Variants in JAKMIP2 observed in about 807,000 individuals in gnomAD.
JAKMIP2 encodes the protein janus kinase and microtubule-interacting protein 2.
Under a neutral mutation model 115.0 loss-of-function variants are expected in JAKMIP2, and 25 were observed. The ratio of observed to expected loss-of-function variants is 0.22; its 90% CI spans 0.16 to 0.30. JAKMIP2 has a LOEUF of 0.30. JAKMIP2 is among the 10% of genes least tolerant of loss of function. The pLI is 1.00. For missense variants in JAKMIP2, 642 were observed against 957.6 expected (o/e 0.67, Z 4.35); for synonymous variants, 334 against 343.6 (o/e 0.97, Z 0.31).
rs377263792 is a variant in JAKMIP2, at chr5:147,615,021, G to A, written c.2347-2650C>T. Among the ~76,000 whole-genome samples, 45 of 152,258 alleles carry A rather than the reference G, an allele frequency of 3.0e-4. No individual in the cohort carries two copies. In the East Asian group the frequency reaches 4.6e-3, roughly 16 times the overall value. ...CCAAACTCACATACACATTGTATACGTTTCTGCATAGCACTTATTGCCACT... is the reference window on the plus strand; with the variant it reads ...CCAAACTCACATACACATTGTATACATTTCTGCATAGCACTTATTGCCACT... On this transcript the variant is annotated intron_variant, in intron 19 of 21. Coordinates refer to ENST00000616793, the MANE Select transcript of JAKMIP2 (RefSeq NM_001270941.2).
At chr5:147,675,285 A>G (rs904698783) in intron 1 of JAKMIP2, among the ~76,000 whole-genome samples, 2 of 152,194 alleles carry the variant, frequency 1.3e-5, no homozygotes, top group Admixed American at 6.5e-5. Context: ...AGAAAAAAGC[A>G]TCACAGGAAG....
At chr5:147,618,721 G>C (rs1277554503) in intron 18 of JAKMIP2, among the ~76,000 whole-genome samples, 1 of 152,138 alleles carries the variant, frequency 6.6e-6, no homozygotes, top group Non-Finnish European at 1.5e-5. Flanking sequence ...TGTGCAACAA[G>C]AGTGAAACTC....
In JAKMIP2 at chr5:147,781,355, T is replaced by C. The variant is rs191100575; in HGVS notation, c.-149+1101A>G. 7.2e-5 allele frequency among the ~76,000 whole-genome samples: 11 copies of C among 152,274 alleles called. 1 individual carries two copies. In the East Asian group the frequency reaches 2.1e-3, roughly 29 times the overall value. On this transcript the variant is annotated intron_variant, in intron 1 of 21. Coordinates refer to ENST00000616793, the MANE Select transcript of JAKMIP2 (RefSeq NM_001270941.2). ...CAGATAGCAGCACTATTAAATAAAATGAATACATTTCACCTTCCAGCTTAG... is the reference window on the plus strand; with the variant it reads ...CAGATAGCAGCACTATTAAATAAAACGAATACATTTCACCTTCCAGCTTAG...
At chr5:147,702,433 G>A (rs1224020477) in intron 1 of JAKMIP2, among the ~76,000 whole-genome samples, 2 of 128,340 alleles carry the variant, frequency 1.6e-5, no homozygotes, top group Non-Finnish European at 3.1e-5. Flanking sequence ...GAGGAAGGAA[G>A]GAAGGTAGGA....
At position 147,752,953 on chromosome 5, in the gene JAKMIP2, C is replaced by T. The variant is rs550318517; in HGVS notation, c.-149+29503G>A. ...CTGGAGAATGTTCAGTTTAAAATGC[C>T]TTTTTATAGGGCCTCTCTGTTGTTA... On this transcript the variant is annotated intron_variant, in intron 1 of 21. Transcript: ENST00000616793. Among the ~76,000 whole-genome samples the T allele has an allele frequency of 2.0e-3, 302 of 152,138 alleles. 7 individuals are homozygous for T. In the Middle Eastern group the frequency reaches 0.027, roughly 14 times the overall value.
intron 1 of JAKMIP2, among the ~76,000 whole-genome samples, chr5:147,740,718 G>T (rs770389807): frequency 1.3e-5 from 2 of 152,170 alleles, no homozygotes; most frequent in Non-Finnish European, 2.9e-5. Flanking sequence ...CCAGTGTCAG[G>T]CTCTGTCTTC....
At chr5:147,596,200 CT>C (rs200069719) in intron 21 of JAKMIP2, among the ~76,000 whole-genome samples, 17,395 of 145,172 alleles carry the variant, frequency 0.12, 1,293 homozygotes, top group South Asian at 0.28. Context: ...CAAATTTGAT[CT>C]TTTTTTTTTT....
intron 3 of JAKMIP2, among the ~76,000 whole-genome samples, chr5:147,651,643 C>T (rs977058288): frequency 1.3e-5 from 2 of 151,930 alleles, no homozygotes; most frequent in African/African-American, 2.4e-5. Flanking sequence ...AAACCTGCAA[C>T]AGAAATGGTG....
At chr5:147,733,413 C>T (rs72835162) in intron 1 of JAKMIP2, among the ~76,000 whole-genome samples, 18,598 of 152,094 alleles carry the variant, frequency 0.12, 1,210 homozygotes, top group Middle Eastern at 0.18. Context: ...CTCCCTATGC[C>T]TTCTGGTCAG....
chr5:147,750,135 G>T (rs192576021), intron 1 of JAKMIP2, among the ~76,000 whole-genome samples: 1 of 152,068 alleles, frequency 6.6e-6, no homozygotes, highest in Non-Finnish European at 1.5e-5. Flanking sequence ...GCAATTACAC[G>T]TCTAGATCTA....
Position 147,591,577 on chromosome 5 carries a change from G to T in JAKMIP2, c.*130C>A. The T allele has an allele frequency of 2.1e-6, 2 of 946,496 alleles. No individual in the cohort carries two copies. The highest frequency in any genetic ancestry group is 3.4e-6 in the Non-Finnish European group (2 of 585,054). 58.6% of individuals were successfully genotyped at this position (946,496 alleles called of 1,614,324 possible). A position where few individuals can be genotyped will look rare whatever the true frequency, so the allele number is the denominator to read the frequency against. On this transcript the variant is annotated 3_prime_UTR_variant, in exon 22 of 22. Transcript: ENST00000616793. ...ATACACAGTTGTAGTCCTGGCTACA[G>T]GGTAGTTCTTAGCTTTTGATCTCCC...
At chr5:147,770,032 A>T in intron 1 of JAKMIP2, among the ~76,000 whole-genome samples, 1 of 152,106 alleles carries the variant, frequency 6.6e-6, no homozygotes, top group East Asian at 1.9e-4. Context: ...TAATATTTTC[A>T]TTTGCACTAT....
At chr5:147,774,274 C>T (rs1422751473) in intron 1 of JAKMIP2, among the ~76,000 whole-genome samples, 1 of 152,078 alleles carries the variant, frequency 6.6e-6, no homozygotes, top group African/African-American at 2.4e-5. Flanking sequence ...TTCCAGAGTA[C>T]CCATTTTCAT....
rs183348494 is a variant in JAKMIP2 at position 147,656,692 on chromosome 5, G to A, written c.627+4256C>T. Among the ~76,000 whole-genome samples the A allele has an allele frequency of 1.1e-4, 16 of 152,206 alleles. No individual in the cohort carries two copies. In the East Asian group the frequency reaches 2.9e-3, roughly 28 times the overall value. On this transcript the variant is annotated intron_variant, in intron 3 of 21. Coordinates refer to ENST00000616793, the MANE Select transcript of JAKMIP2 (RefSeq NM_001270941.2). The stretch of plus-strand genomic sequence containing the variant: ...GACATTTAGCCCATTTACATTTAAG[G>A]TTAATATTGTTATATGTGAATTTGA...
At chr5:147,736,627 T>C (rs1346532511) in intron 1 of JAKMIP2, among the ~76,000 whole-genome samples, 1 of 152,018 alleles carries the variant, frequency 6.6e-6, no homozygotes, top group African/African-American at 2.4e-5. Context: ...TATTTATATG[T>C]TGGATATTTA....
intron 16 of JAKMIP2, among the ~76,000 whole-genome samples, chr5:147,626,257 C>A (rs1757087911): frequency 6.6e-6 from 1 of 152,198 alleles, no homozygotes; most frequent in Non-Finnish European, 1.5e-5. Context: ...AGGCTTGTGT[C>A]TTGTTCATCT....
chr5:147,760,396 C>A (rs1247100581), intron 1 of JAKMIP2, among the ~76,000 whole-genome samples: 5 of 76,788 alleles, frequency 6.5e-5, no homozygotes, highest in African/African-American at 1.3e-4. Flanking sequence ...AGAGAAGAGG[C>A]AGTCAGTGAA....
intron 1 of JAKMIP2, among the ~76,000 whole-genome samples, chr5:147,712,636 G>T (rs1432291124): frequency 2.0e-5 from 3 of 151,950 alleles, no homozygotes; most frequent in Non-Finnish European, 4.4e-5. Context: ...TGCCAATATT[G>T]CTTAGTGGAG....
chr5:147,639,621 T>C lies in JAKMIP2; in HGVS notation c.1530+11A>G, dbSNP rs907347160. ...CGCTAATTCAGAGCACTCTCACAGA[T>C]ACACACTAACCTTGGCTTCTCGTTC... On this transcript the variant is annotated intron_variant, in intron 10 of 21. Coordinates refer to ENST00000616793, the MANE Select transcript of JAKMIP2 (RefSeq NM_001270941.2). 1.2e-5 allele frequency: 20 copies of C among 1,610,186 alleles called. No homozygotes were observed. The highest frequency in any genetic ancestry group is 1.6e-5 in the Non-Finnish European group (19 of 1,178,698).
Sources: allele counts gnomAD v4.1 joint callset (sites outside exome capture counted in the v4.1 genomes callset), GRCh38; gene constraint gnomAD v4.1.1; transcripts MANE v1.5; gene names NCBI Gene and HGNC (gene_info 2026-07-23, HGNC 2026-07-21).